The following VWA3B variants were observed in gnomAD, a reference collection of about 807,000 sequenced individuals.
The protein encoded by VWA3B is von Willebrand factor A domain containing 3B.
Under a neutral mutation model 158.3 loss-of-function variants are expected in VWA3B, and 138 were observed. The ratio of observed to expected loss-of-function variants is 0.87; its 90% CI spans 0.76 to 1.00. The LOEUF (loss-of-function observed/expected upper bound fraction) is 1.00, where lower values mean the gene tolerates loss of function less well. Ranked by LOEUF, VWA3B falls within the 50% of genes least tolerant of loss-of-function variation. The probability of loss-of-function intolerance (pLI) is 0.00; values close to 1 mark genes in which losing one functional copy is unlikely to be tolerated. For synonymous variants in VWA3B, 596 were observed against 587.3 expected (o/e 1.01, Z -0.21); for missense variants, 1,555 against 1,565.1 (o/e 0.99, Z 0.11).
chr2:98,088,000 C>T (rs1470843649), intron 1 of VWA3B, among the ~76,000 whole-genome samples: 1 of 152,158 alleles, frequency 6.6e-6, no homozygotes, highest in African/African-American at 2.4e-5. Flanking sequence ...GTGGGACAGT[C>T]CGTTTCAATA....
rs78331568 is a variant in VWA3B, at chr2:98,269,846, T to A, written c.2844-836T>A. Among the ~76,000 whole-genome samples, 990 of 152,344 alleles carry A rather than the reference T, an allele frequency of 6.5e-3. 17 individuals carry two copies. Among genetic ancestry groups the A allele is most frequent in the African/African-American group, 0.023 (946 of 41,560 alleles). Reference sequence around the variant, plus strand: ...CTTGCTGACATCATTCCAATAAGAATGTTTTGCTGTCTTCTGGGTACGAGT... The same window carrying A: ...CTTGCTGACATCATTCCAATAAGAAAGTTTTGCTGTCTTCTGGGTACGAGT... On this transcript the variant is annotated intron_variant, in intron 21 of 27. Transcript: ENST00000477737.
intron 26 of VWA3B, among the ~76,000 whole-genome samples, chr2:98,306,759 A>C (rs1180902166): frequency 6.6e-6 from 1 of 152,174 alleles, no homozygotes; most frequent in Non-Finnish European, 1.5e-5. Flanking sequence ...CATCTTCCCC[A>C]GGCCTTATTT....
At chr2:98,166,719 G>A (rs193169791) in intron 8 of VWA3B, among the ~76,000 whole-genome samples, 68 of 151,748 alleles carry the variant, frequency 4.5e-4, no homozygotes, top group Non-Finnish European at 7.7e-4. Flanking sequence ...GGTCTTGGAT[G>A]TTATTCCTAA....
intron 14 of VWA3B, among the ~76,000 whole-genome samples, chr2:98,225,131 C>T (rs1237614448): frequency 6.6e-6 from 1 of 152,096 alleles, no homozygotes; most frequent in Admixed American, 6.6e-5. Flanking sequence ...ACGGGGTTTC[C>T]CCATGTTGGC....
At chr2:98,137,434 A>T (rs367707328) in intron 7 of VWA3B, among the ~76,000 whole-genome samples, 93 of 152,340 alleles carry the variant, frequency 6.1e-4, no homozygotes, top group African/African-American at 2.1e-3. Context: ...TGAAATTTTG[A>T]CATAATATTT....
intron 14 of VWA3B, among the ~76,000 whole-genome samples, chr2:98,223,246 C>T (rs1684651933): frequency 6.9e-6 from 1 of 145,662 alleles, no homozygotes; most frequent in African/African-American, 2.6e-5. Flanking sequence ...AGGATAATGT[C>T]AGTGAACTTA....
intron 19 of VWA3B, among the ~76,000 whole-genome samples, chr2:98,239,687 G>A (rs546583937): frequency 6.6e-6 from 1 of 152,106 alleles, no homozygotes; most frequent in East Asian, 1.9e-4. Context: ...GGCCGAGGCA[G>A]CGGATCATTA....
chr2:98,232,420 T>C (rs1685400965), intron 16 of VWA3B, among the ~76,000 whole-genome samples: 1 of 152,202 alleles, frequency 6.6e-6, no homozygotes, highest in Non-Finnish European at 1.5e-5. Flanking sequence ...ATTTGTTCAT[T>C]TGTTTCCAGA....
At chr2:98,117,886 G>A (rs940833186) in intron 3 of VWA3B, among the ~76,000 whole-genome samples, 5 of 151,668 alleles carry the variant, frequency 3.3e-5, no homozygotes, top group Non-Finnish European at 2.9e-5. Flanking sequence ...ACAGGTGTGC[G>A]CCACCGTATC....
rs765783235 is a variant in VWA3B at position 98,290,583 on chromosome 2, G to T, written c.3118G>T (p.Val1040Phe). The change falls in exon 23 of 28, where the codon GTT becomes TTT. Residue 1040 changes from valine (V) to phenylalanine (F), a missense_variant. Val to Phe is a conservative substitution (Grantham distance 50). Coordinates refer to ENST00000477737, the MANE Select transcript of VWA3B (RefSeq NM_144992.5). ...KRPDPLKGQKVIARCDENGFY... is the reference protein window; with the variant it reads ...KRPDPLKGQKFIARCDENGFY... ...ACCAGATCCCCTCAAAGGACAGAAG[G>T]TTATTGCAAGATGTGATGAAAATGG... The T allele has an allele frequency of 3.1e-6, 5 of 1,594,300 alleles. No homozygotes were observed. The highest frequency in any genetic ancestry group is 1.2e-5 in the South Asian group (1 of 85,248).
chr2:98,165,036 C>T (rs1390514451), intron 8 of VWA3B, among the ~76,000 whole-genome samples: 1 of 152,186 alleles, frequency 6.6e-6, no homozygotes, highest in East Asian at 1.9e-4. Context: ...ATGATGCATG[C>T]TCCACACCAA....
chr2:98,194,562 G>A (rs1278706351), intron 12 of VWA3B, 70 bp downstream of exon 12: 2 of 1,556,646 alleles, frequency 1.3e-6, no homozygotes, highest in African/African-American at 1.4e-5. Context: ...TCATTCACAG[G>A]ACAGACATTC....
At chr2:98,138,126 GT>G (rs988451504) in intron 7 of VWA3B, among the ~76,000 whole-genome samples, 4 of 152,102 alleles carry the variant, frequency 2.6e-5, no homozygotes, top group African/African-American at 9.7e-5. Flanking sequence ...CATGCACCTC[GT>G]TTTCAACCTC....
intron 1 of VWA3B, among the ~76,000 whole-genome samples, chr2:98,087,789 A>G (rs1261192918): frequency 1.3e-5 from 2 of 152,224 alleles, no homozygotes; most frequent in Non-Finnish European, 2.9e-5. Flanking sequence ...AGCCAAAGCA[A>G]CACTTACATG....
At chr2:98,088,795 C>G (rs1307557683) in intron 1 of VWA3B, among the ~76,000 whole-genome samples, 1 of 152,038 alleles carries the variant, frequency 6.6e-6, no homozygotes, top group African/African-American at 2.4e-5. Context: ...GCTCTGTCCC[C>G]CAGGCTGGAG....
rs1685566978 is a variant in VWA3B, at chr2:98,234,768, G to A, written c.2428+1G>A. 3 of 1,613,952 alleles carry A rather than the reference G, an allele frequency of 1.9e-6. No homozygotes were observed. The highest frequency in any genetic ancestry group is 2.7e-5 in the African/African-American group (2 of 74,896). ...CGGAGGACTGCTCTAAGTGACAAAG[G>A]CAAGCCAGAAAGCATCTCTGTGGCC... On this transcript the variant is annotated splice_donor_variant, in intron 17 of 27. Coordinates refer to ENST00000477737, the MANE Select transcript of VWA3B (RefSeq NM_144992.5). LOFTEE classifies it high-confidence loss of function.
chr2:98,180,922 TAAAG>T, intron 8 of VWA3B, 90 bp from the exon 9 acceptor site: 1 of 1,253,662 alleles, frequency 8.0e-7, no homozygotes, highest in South Asian at 1.5e-5. Flanking sequence ...TTGTGTCTAA[TAAAG>T]AACACGTTCC....
Position 98,230,134 on chromosome 2 carries a change from A to G in VWA3B, c.2235A>G (p.Ser745=), listed in dbSNP as rs750261735. The G allele has an allele frequency of 6.2e-7, 1 of 1,611,820 alleles. No homozygotes were observed. Among genetic ancestry groups the G allele is most frequent in the Non-Finnish European group, 8.5e-7 (1 of 1,179,552 alleles). Residue 745 remains serine (S), a synonymous_variant, in exon 16 of 28, where the codon TCA becomes TCG. Coordinates refer to ENST00000477737, the MANE Select transcript of VWA3B (RefSeq NM_144992.5). ...PQSDVDSTQT[S]SLNMLKGPWG... is the part of the protein sequence containing the mutation. Reference sequence around the variant, plus strand: ...CTGATGTCGATTCAACACAAACTTCATCTCTGAATATGTTGAAGGGACCAT... The same window carrying G: ...CTGATGTCGATTCAACACAAACTTCGTCTCTGAATATGTTGAAGGGACCAT...
the VWA3B span, among the ~76,000 whole-genome samples, chr2:98,321,707 G>T: frequency 1.3e-5 from 2 of 152,320 alleles, no homozygotes; most frequent in Admixed American, 6.5e-5. Context: ...GACTTGCCTT[G>T]TGTCAGATGA....
Sources: allele counts gnomAD v4.1 joint callset (sites outside exome capture counted in the v4.1 genomes callset), GRCh38; gene constraint gnomAD v4.1.1; transcripts MANE v1.5; gene names NCBI Gene and HGNC (gene_info 2026-07-23, HGNC 2026-07-21).